Variants in EXD3 observed in about 807,000 individuals in gnomAD.
EXD3 encodes the protein exonuclease 3'-5' domain containing 3.
In EXD3, 92 loss-of-function variants were observed where a neutral mutation model predicts 98.0. That is an observed-to-expected ratio of 0.94 (90% CI 0.79 to 1.12). EXD3 has a LOEUF of 1.12. Ranked by LOEUF, EXD3 falls within the 50% of genes most tolerant of loss-of-function variation. EXD3 has a pLI of 0.00. For missense variants in EXD3, 1,222 were observed against 1,191.6 expected, an observed-to-expected ratio of 1.03 and a Z score of -0.38; for synonymous variants, 569 against 526.0, an observed-to-expected ratio of 1.08 and a Z score of -1.12.
chr9:137,413,468 G>C (rs962460680), intron 1 of EXD3, among the ~76,000 whole-genome samples: 10 of 150,762 alleles, frequency 6.6e-5, no homozygotes, highest in East Asian at 2.0e-4. Context: ...TCAAAGTGTT[G>C]GGATTACAGG....
At chr9:137,333,379 T>G (rs947391063) in intron 17 of EXD3, among the ~76,000 whole-genome samples, 2 of 152,214 alleles carry the variant, frequency 1.3e-5, no homozygotes, top group African/African-American at 4.8e-5. Flanking sequence ...CTCTCCTTAA[T>G]AAACTTCCTT....
intron 1 of EXD3, among the ~76,000 whole-genome samples, chr9:137,421,384 T>C (rs1838503054): frequency 6.6e-6 from 1 of 152,250 alleles, no homozygotes; most frequent in Non-Finnish European, 1.5e-5. Flanking sequence ...AAATTGGTCT[T>C]ACCAAGATTT....
intron 19 of EXD3, among the ~76,000 whole-genome samples, chr9:137,316,008 G>C (rs1831631626): frequency 6.7e-6 from 1 of 150,262 alleles, no homozygotes. Flanking sequence ...CCTCCCAAGG[G>C]AAGTCCCCCT....
rs1256674051 is a variant in EXD3 at position 137,394,511 on chromosome 9, TCCCAGCCTCCGCTTCCCTAACCCC to T, written c.55+768_55+791del. Among the ~76,000 whole-genome samples the T allele has an allele frequency of 1.0e-3, 139 of 139,162 alleles. 3 individuals are homozygous for T. The highest frequency in any genetic ancestry group is 1.6e-3 in the African/African-American group (59 of 35,938). 91.3% of individuals were successfully genotyped at this position (139,162 alleles called of 152,430 possible). A position where few individuals can be genotyped will look rare whatever the true frequency, so the allele number is the denominator to read the frequency against. ...AGCCTCCGCTTCCCTAACCCCGGCC[TCCCAGCCTCCGCTTCCCTAACCCC>T]GGCCTCCCAGCCTCCGCTTCCCTAA... On this transcript the variant is annotated intron_variant, in intron 2 of 21. Transcript: ENST00000340951.
At chr9:137,331,899 G>C (rs1253774871) in intron 17 of EXD3, among the ~76,000 whole-genome samples, 1 of 152,016 alleles carries the variant, frequency 6.6e-6, no homozygotes, top group Non-Finnish European at 1.5e-5. Flanking sequence ...CTGGGCAACA[G>C]GGTGAGACTC....
intron 7 of EXD3, among the ~76,000 whole-genome samples, chr9:137,356,909 C>T (rs148729438): frequency 3.3e-4 from 51 of 152,292 alleles, no homozygotes; most frequent in African/African-American, 1.0e-3. Context: ...CCACACCCTC[C>T]GACCTCCAGG....
intron 1 of EXD3, among the ~76,000 whole-genome samples, chr9:137,417,333 C>T (rs113805559): frequency 9.2e-5 from 14 of 152,310 alleles, no homozygotes; most frequent in African/African-American, 3.4e-4. Flanking sequence ...CCCGGCAGCG[C>T]CCAGGCTGCC....
rs994947217 is a variant in EXD3 at position 137,336,864 on chromosome 9, TAGAA to T, written c.1998+11203_1998+11206del. On this transcript the variant is annotated intron_variant, in intron 17 of 21. Coordinates refer to ENST00000340951, the MANE Select transcript of EXD3 (RefSeq NM_017820.5). ...AAAAGAATAGAAAAAGTTGTACAAATAGAAAGCACAAATTAAGATAGTACGACTA... is the reference window on the plus strand; with the variant it reads ...AAAAGAATAGAAAAAGTTGTACAAATAGCACAAATTAAGATAGTACGACTA... Among the ~76,000 whole-genome samples, 18 of 151,574 alleles carry T rather than the reference TAGAA, an allele frequency of 1.2e-4. 1 individual carries two copies. In the Middle Eastern group the frequency reaches 0.01, roughly 86 times the overall value.
Position 137,373,435 on chromosome 9 carries a change from G to A in EXD3, c.285C>T (p.Ser95=), listed in dbSNP as rs377550285. The A allele has an allele frequency of 6.2e-7, 1 of 1,607,328 alleles. No homozygotes were observed. Among genetic ancestry groups the A allele is most frequent in the East Asian group, 2.2e-5 (1 of 44,838 alleles). Residue 95 remains serine, a synonymous_variant, in exon 4 of 22, where the codon AGC becomes AGT. Coordinates refer to ENST00000340951, the MANE Select transcript of EXD3 (RefSeq NM_017820.5). ...QCWLQAQPCP[S]LAQHSLRLKQ... ...GAACCCATGGGCTCACCTGGGCCAG[G>A]CTCGGGCATGGCTGTGCCTGTAGCC...
At chr9:137,325,746 T>C (rs1832365269) in intron 17 of EXD3, among the ~76,000 whole-genome samples, 1 of 152,250 alleles carries the variant, frequency 6.6e-6, no homozygotes, top group South Asian at 2.1e-4. Context: ...TCGTTAGTTA[T>C]CTTTAAGAGT....
At chr9:137,357,087 C>G (rs1420435164) in intron 7 of EXD3, among the ~76,000 whole-genome samples, 3 of 152,290 alleles carry the variant, frequency 2.0e-5, no homozygotes, top group African/African-American at 7.2e-5. Flanking sequence ...AGGCTTGGCT[C>G]CCAGAACTGC....
chr9:137,370,243 C>T (rs971507069), intron 5 of EXD3, among the ~76,000 whole-genome samples: 1 of 152,184 alleles, frequency 6.6e-6, no homozygotes, highest in South Asian at 2.1e-4. Context: ...TTAGAATCAG[C>T]GTCTGGTCAT....
chr9:137,371,471 C>T lies in EXD3; in HGVS notation c.462+1434G>A, dbSNP rs144171221. 7.0e-3 allele frequency among the ~76,000 whole-genome samples: 1,058 copies of T among 152,228 alleles called. 14 individuals carry two copies. Among genetic ancestry groups the T allele is most frequent in the South Asian group, 0.051 (246 of 4,828 alleles). Reference sequence around the variant, plus strand: ...GCCCAGGTTCCAATGCACCTCCTCACGGTGAGGGGTCTTGCTGGGAAGAGG... The same window carrying T: ...GCCCAGGTTCCAATGCACCTCCTCATGGTGAGGGGTCTTGCTGGGAAGAGG... On this transcript the variant is annotated intron_variant, in intron 5 of 21. Coordinates refer to ENST00000340951, the MANE Select transcript of EXD3 (RefSeq NM_017820.5). This position sits in a 1 kb window ranked among gnomAD's most constrained non-coding sequence, Gnocchi z 8.0.
chr9:137,355,289 G>A (rs59640402), intron 8 of EXD3, among the ~76,000 whole-genome samples: 4,785 of 152,212 alleles, frequency 0.031, 291 homozygotes, highest in African/African-American at 0.11. Flanking sequence ...TTTTCCCCCA[G>A]GGTGCGGCAG....
chr9:137,398,901 A>T (rs534261088), intron 1 of EXD3, among the ~76,000 whole-genome samples: 2 of 149,748 alleles, frequency 1.3e-5, no homozygotes, highest in South Asian at 2.1e-4. Context: ...CGCGTCCCCA[A>T]GACACACAGG....
intron 1 of EXD3, among the ~76,000 whole-genome samples, chr9:137,400,044 A>G (rs112931164): frequency 0.066 from 10,013 of 151,514 alleles, 629 homozygotes; most frequent in Admixed American, 0.2. Flanking sequence ...AAAAAAAAAA[A>G]AAAAGAAAAT....
At chr9:137,386,319 T>G (rs1244190053) in intron 2 of EXD3, among the ~76,000 whole-genome samples, 2 of 151,540 alleles carry the variant, frequency 1.3e-5, no homozygotes, top group East Asian at 3.9e-4. Flanking sequence ...ATAAGCAGGG[T>G]GTCCTTATTA....
chr9:137,414,599 C>T (rs1236999709), intron 1 of EXD3, among the ~76,000 whole-genome samples: 3 of 152,226 alleles, frequency 2.0e-5, no homozygotes, highest in African/African-American at 4.8e-5. Flanking sequence ...CTGATTTCTC[C>T]ACAGCCTCAC....
intron 17 of EXD3, among the ~76,000 whole-genome samples, chr9:137,327,727 T>A (rs200425466): frequency 1.6e-3 from 2 of 1,250 alleles, no homozygotes. Context: ...ACAACAAATA[T>A]ACACCCACAT....
Sources: gnomAD v4.1 joint callset for allele counts (sites outside exome capture counted in the v4.1 genomes callset) on GRCh38, gnomAD v4.1.1 for gene constraint, Gnocchi (gnomAD v3.1) non-coding constraint, MANE v1.5 for transcripts, NCBI Gene and HGNC (gene_info 2026-07-23, HGNC 2026-07-21) for gene names.